Variants in ADGRB3 observed in about 807,000 individuals in gnomAD.
ADGRB3 encodes the protein brain-specific angiogenesis inhibitor 3.
ADGRB3 carries 37 observed loss-of-function variants against 193.4 expected under a neutral mutation model. That is an observed-to-expected ratio of 0.19 (90% CI 0.15 to 0.25). The LOEUF is 0.25. Among genes scored for constraint, ADGRB3 ranks in the 10% least tolerant of loss-of-function variants. The probability of loss-of-function intolerance (pLI) is 1.00; values close to 1 mark genes in which losing one functional copy is unlikely to be tolerated. For missense variants in ADGRB3, 1,637 were observed against 1,852.9 expected (o/e 0.88, Z 2.14); for synonymous variants, 690 against 644.2 (o/e 1.07, Z -1.08).
chr6:68,748,891 TC>T (rs1314916787), intron 3 of ADGRB3, among the ~76,000 whole-genome samples: 1 of 152,136 alleles, frequency 6.6e-6, no homozygotes, highest in African/African-American at 2.4e-5. Context: ...TTCCCAAACT[TC>T]AATTCTTAAC....
intron 26 of ADGRB3, among the ~76,000 whole-genome samples, chr6:69,341,937 A>G (rs1768983427): frequency 6.6e-6 from 1 of 152,280 alleles, no homozygotes; most frequent in Admixed American, 6.5e-5. Flanking sequence ...CTTTTTCTTC[A>G]GAATAAGCTT....
At chr6:68,912,412 C>A (rs2150237974) in intron 3 of ADGRB3, among the ~76,000 whole-genome samples, 1 of 151,646 alleles carries the variant, frequency 6.6e-6, no homozygotes, top group East Asian at 1.9e-4. Flanking sequence ...TACATGTGCA[C>A]AATGTGCAGG....
chr6:69,208,338 C>T (rs1255074371), intron 17 of ADGRB3, among the ~76,000 whole-genome samples: 2 of 152,214 alleles, frequency 1.3e-5, no homozygotes, highest in Non-Finnish European at 2.9e-5. Context: ...ACCAACATAC[C>T]TCTTCCCCAA....
intron 3 of ADGRB3, among the ~76,000 whole-genome samples, chr6:68,927,757 GA>G (rs985372880): frequency 1.6e-4 from 25 of 151,606 alleles, no homozygotes; most frequent in African/African-American, 3.4e-4. Context: ...TTTCCCATCT[GA>G]AAAAAAAGAA....
chr6:69,253,300 G>C (rs1766668483), intron 20 of ADGRB3, among the ~76,000 whole-genome samples: 1 of 151,588 alleles, frequency 6.6e-6, no homozygotes, highest in Non-Finnish European at 1.5e-5. Context: ...AGGTTCTTTG[G>C]GTATTCAAAT....
intron 3 of ADGRB3, among the ~76,000 whole-genome samples, chr6:68,776,393 G>T (rs1242525137): frequency 6.6e-6 from 1 of 152,150 alleles, no homozygotes; most frequent in African/African-American, 2.4e-5. Context: ...TTGTGGCTGA[G>T]GAATAAACTA....
At chr6:69,176,944 T>C (rs1343556856) in intron 17 of ADGRB3, among the ~76,000 whole-genome samples, 1 of 152,178 alleles carries the variant, frequency 6.6e-6, no homozygotes, top group East Asian at 1.9e-4. Flanking sequence ...TCTTTCAGGA[T>C]TTTCTGTATT....
At chr6:68,676,350 C>T (rs958383036) in intron 3 of ADGRB3, among the ~76,000 whole-genome samples, 3 of 143,718 alleles carry the variant, frequency 2.1e-5, no homozygotes, top group Non-Finnish European at 4.5e-5. Flanking sequence ...CAGCTCGCAC[C>T]ACTGCACTCC....
chr6:68,940,130 T>C (rs964047759), intron 5 of ADGRB3, among the ~76,000 whole-genome samples: 1 of 152,214 alleles, frequency 6.6e-6, no homozygotes, highest in Non-Finnish European at 1.5e-5. Flanking sequence ...GCTTTGACAT[T>C]GTACTCTCTT....
rs149118166 is a variant in ADGRB3, at chr6:69,009,381, G to T, written c.1930-4657G>T. On this transcript the variant is annotated intron_variant, in intron 11 of 31. Transcript: ENST00000370598. ...AATCTGGACATAAAGGATAATAAAA[G>T]GTTGTCTGAGTATAGAACAGAAAGA... 1.9e-3 allele frequency among the ~76,000 whole-genome samples: 285 copies of T among 152,188 alleles called. 1 individual carries two copies. The highest frequency in any genetic ancestry group is 6.5e-3 in the African/African-American group (272 of 41,530).
intron 3 of ADGRB3, among the ~76,000 whole-genome samples, chr6:68,724,564 A>G (rs1305957252): frequency 6.6e-6 from 1 of 151,674 alleles, no homozygotes. Flanking sequence ...ATAAAATTTT[A>G]ATCTGAATTC....
rs1333153206 is a variant in ADGRB3, at chr6:69,265,107, T to C, written c.2814+25881T>C. Among the ~76,000 whole-genome samples, 4 of 152,038 alleles carry C rather than the reference T, an allele frequency of 2.6e-5. No individual in the cohort carries two copies. In the South Asian group the frequency reaches 6.2e-4, roughly 24 times the overall value. The stretch of plus-strand genomic sequence containing the variant: ...CATTGCCTTATACAGTGGTTCTCAA[T>C]CCTGGCTGCTCATCAGAATCGCCCA... On this transcript the variant is annotated intron_variant, in intron 20 of 31. Coordinates refer to ENST00000370598, the MANE Select transcript of ADGRB3 (RefSeq NM_001704.3).
At chr6:68,966,585 C>T (rs1768387143) in intron 8 of ADGRB3, among the ~76,000 whole-genome samples, 1 of 152,142 alleles carries the variant, frequency 6.6e-6, no homozygotes, top group Non-Finnish European at 1.5e-5. Context: ...TCCTGCTTCT[C>T]CTTTACACCT....
At chr6:68,835,122 T>G (rs1213810452) in intron 3 of ADGRB3, among the ~76,000 whole-genome samples, 1 of 152,192 alleles carries the variant, frequency 6.6e-6, no homozygotes, top group African/African-American at 2.4e-5. Flanking sequence ...ACATTAAACT[T>G]TGACCTTACA....
intron 3 of ADGRB3, among the ~76,000 whole-genome samples, chr6:68,920,677 C>T (rs1009449951): frequency 6.6e-6 from 1 of 151,868 alleles, no homozygotes. Context: ...TAAGGCTTGC[C>T]AGACTAACGT....
At chr6:69,103,664 A>C (rs777176203) in intron 17 of ADGRB3, among the ~76,000 whole-genome samples, 3 of 151,868 alleles carry the variant, frequency 2.0e-5, no homozygotes, top group Non-Finnish European at 2.9e-5. Flanking sequence ...GTGAATTGTA[A>C]AAGTAATGAA....
At chr6:69,231,420 C>T (rs1171719854) in intron 17 of ADGRB3, among the ~76,000 whole-genome samples, 1 of 152,220 alleles carries the variant, frequency 6.6e-6, no homozygotes, top group Non-Finnish European at 1.5e-5. Context: ...AGCATATGTA[C>T]TGCATTAAAG....
At chr6:68,641,283 G>A (rs1768077540) in intron 3 of ADGRB3, among the ~76,000 whole-genome samples, 1 of 152,148 alleles carries the variant, frequency 6.6e-6, no homozygotes, top group Non-Finnish European at 1.5e-5. Context: ...TGTGCATTAA[G>A]CATGATTTTC....
intron 3 of ADGRB3, among the ~76,000 whole-genome samples, chr6:68,714,620 T>A (rs964434854): frequency 2.0e-5 from 3 of 151,948 alleles, no homozygotes; most frequent in African/African-American, 7.2e-5. Context: ...GGAAAAATAC[T>A]GAAGGGTTTG....
Sources: gnomAD v4.1 joint callset for allele counts (sites outside exome capture counted in the v4.1 genomes callset) on GRCh38, gnomAD v4.1.1 for gene constraint, MANE v1.5 for transcripts, NCBI Gene and HGNC (gene_info 2026-07-23, HGNC 2026-07-21) for gene names.